The following GRIN2B variants were observed in gnomAD, a reference collection of about 807,000 sequenced individuals.
GRIN2B encodes glutamate ionotropic receptor NMDA type subunit 2B.
A neutral mutation model predicts 114.5 loss-of-function variants in GRIN2B; 5 were observed. That is an observed-to-expected ratio of 0.04 (90% CI 0.02 to 0.09). GRIN2B has a LOEUF of 0.09. Among genes scored for constraint, GRIN2B ranks in the 10% least tolerant of loss-of-function variants. The pLI is 1.00. For missense variants in GRIN2B, 1,108 were observed against 1,943.5 expected (o/e 0.57, Z 8.08); for synonymous variants, 787 against 745.1 (o/e 1.06, Z -0.92).
chr12:13,922,578 G>A (rs1242803678), intron 2 of GRIN2B, among the ~76,000 whole-genome samples: 4 of 152,300 alleles, frequency 2.6e-5, no homozygotes, highest in South Asian at 2.1e-4. Context: ...AATTATCAAC[G>A]ATAATGTACA....
chr12:13,699,180 G>A (rs537916005), intron 4 of GRIN2B, among the ~76,000 whole-genome samples: 1 of 152,240 alleles, frequency 6.6e-6, no homozygotes, highest in South Asian at 2.1e-4. Flanking sequence ...ACTTTCTTCT[G>A]TTCTGATTTT....
chr12:13,964,391 C>G (rs1867752543), intron 2 of GRIN2B, among the ~76,000 whole-genome samples: 1 of 152,178 alleles, frequency 6.6e-6, no homozygotes, highest in Non-Finnish European at 1.5e-5. Flanking sequence ...GAGGCCCTGC[C>G]CTTGGCCACA....
intron 10 of GRIN2B, among the ~76,000 whole-genome samples, chr12:13,590,360 G>A (rs1433103504): frequency 6.6e-6 from 1 of 152,052 alleles, no homozygotes; most frequent in African/African-American, 2.4e-5. Context: ...GCATGCATTA[G>A]GTATTTTTCC....
chr12:13,642,486 G>A (rs1303792466), intron 5 of GRIN2B, among the ~76,000 whole-genome samples: 1 of 152,022 alleles, frequency 6.6e-6, no homozygotes, highest in Non-Finnish European at 1.5e-5. Flanking sequence ...CCAGATCCAA[G>A]AAGCTATGAC....
At chr12:13,755,069 C>T (rs932038270) in intron 3 of GRIN2B, among the ~76,000 whole-genome samples, 3 of 152,146 alleles carry the variant, frequency 2.0e-5, no homozygotes, top group South Asian at 2.1e-4. Context: ...ATCTTCTATC[C>T]CATTGGCTCA....
At chr12:13,727,346 G>C (rs1318411520) in intron 4 of GRIN2B, among the ~76,000 whole-genome samples, 1 of 152,122 alleles carries the variant, frequency 6.6e-6, no homozygotes, top group East Asian at 1.9e-4. Flanking sequence ...TATGTTTTCT[G>C]GTGGTTTCCC....
intron 5 of GRIN2B, among the ~76,000 whole-genome samples, chr12:13,640,716 C>T (rs1455023872): frequency 6.6e-6 from 1 of 152,120 alleles, no homozygotes; most frequent in Non-Finnish European, 1.5e-5. Flanking sequence ...TCTGAACTAT[C>T]TATTATGAAT....
chr12:13,775,479 AC>A (rs1403729415), intron 3 of GRIN2B, among the ~76,000 whole-genome samples: 1 of 152,250 alleles, frequency 6.6e-6, no homozygotes, highest in African/African-American at 2.4e-5. Flanking sequence ...AGTGCTGGGC[AC>A]CAAGTAAGTG....
chr12:13,573,611 G>C (rs1948735091), intron 10 of GRIN2B, among the ~76,000 whole-genome samples: 1 of 125,434 alleles, frequency 8.0e-6, no homozygotes, highest in Non-Finnish European at 1.8e-5. Flanking sequence ...TAGCTGTGCT[G>C]TGCTTTGGCA....
chr12:13,943,898 C>T (rs1057204482), intron 2 of GRIN2B, among the ~76,000 whole-genome samples: 1 of 152,152 alleles, frequency 6.6e-6, no homozygotes, highest in Non-Finnish European at 1.5e-5. Flanking sequence ...CTTCAGGAGG[C>T]AGTGACCTGG....
chr12:13,565,250 G>C (rs896054857), intron 13 of GRIN2B, among the ~76,000 whole-genome samples: 2 of 152,204 alleles, frequency 1.3e-5, no homozygotes, highest in Non-Finnish European at 2.9e-5. Context: ...CACAGAAAGA[G>C]AGAATTAGCA....
chr12:13,954,667 C>G (rs1463330777), intron 2 of GRIN2B, among the ~76,000 whole-genome samples: 1 of 151,466 alleles, frequency 6.6e-6, no homozygotes, highest in Non-Finnish European at 1.5e-5. Flanking sequence ...AAAAAATTAC[C>G]TGGGTGCGAT....
chr12:13,762,164 C>T (rs575907926), intron 3 of GRIN2B, among the ~76,000 whole-genome samples: 44 of 152,142 alleles, frequency 2.9e-4, no homozygotes, highest in African/African-American at 6.7e-4. Context: ...CCACCACGAC[C>T]GGCTAATTTT....
At chr12:13,976,086 A>G (rs958841413) in intron 2 of GRIN2B, among the ~76,000 whole-genome samples, 2 of 152,266 alleles carry the variant, frequency 1.3e-5, no homozygotes, top group African/African-American at 4.8e-5. Flanking sequence ...CACCATTAAC[A>G]GCCGCAGGTG....
At chr12:13,814,576 CA>C (rs1251063132) in intron 3 of GRIN2B, among the ~76,000 whole-genome samples, 1 of 152,188 alleles carries the variant, frequency 6.6e-6, no homozygotes, top group Non-Finnish European at 1.5e-5. Flanking sequence ...CAGATTTTCA[CA>C]AGGAAATTTA....
chr12:13,888,664 G>T (rs1173077574), intron 2 of GRIN2B, among the ~76,000 whole-genome samples: 1 of 151,790 alleles, frequency 6.6e-6, no homozygotes, highest in Non-Finnish European at 1.5e-5. Flanking sequence ...AACTCGGGAG[G>T]TGGAGGTTGT....
chr12:13,706,697 G>T (rs1390045622), intron 4 of GRIN2B, among the ~76,000 whole-genome samples: 1 of 152,108 alleles, frequency 6.6e-6, no homozygotes, highest in Non-Finnish European at 1.5e-5. Context: ...GCCCTAGGAA[G>T]ATTTTTTGAA....
At chr12:13,574,543 G>GA (rs1198720156) in intron 10 of GRIN2B, among the ~76,000 whole-genome samples, 3 of 152,028 alleles carry the variant, frequency 2.0e-5, no homozygotes, top group East Asian at 1.9e-4. Context: ...TAATTTTTCT[G>GA]AAAAAAATGG....
chr12:13,885,129 G>C (rs888244850), intron 2 of GRIN2B, among the ~76,000 whole-genome samples: 2 of 152,148 alleles, frequency 1.3e-5, no homozygotes, highest in African/African-American at 4.8e-5. Context: ...TGTGAAAAAA[G>C]TTGGAGAGGA....
Sources: allele counts gnomAD v4.1 joint callset (sites outside exome capture counted in the v4.1 genomes callset), GRCh38; gene constraint gnomAD v4.1.1; transcripts MANE v1.5; gene names NCBI Gene and HGNC (gene_info 2026-07-23, HGNC 2026-07-21).